RP1: variants seen among roughly 807,000 people sequenced by gnomAD.
RP1 encodes the protein oxygen-regulated protein 1.
Under a neutral mutation model 14.8 loss-of-function variants are expected in RP1, and 16 were observed. That is an observed-to-expected ratio of 1.08 (90% CI 0.73 to 1.65). The LOEUF is 1.65. RP1 is among the 40% of genes most tolerant of loss of function. The probability of loss-of-function intolerance (pLI) is 0.00; values close to 1 mark genes in which losing one functional copy is unlikely to be tolerated. For missense variants in RP1, 2,631 were observed against 2,535.0 expected (o/e 1.04, Z -0.81); for synonymous variants, 876 against 883.6 (o/e 0.99, Z 0.15).
At chr8:54,649,784 A>C (rs542480821) in intron 4 of RP1, among the ~76,000 whole-genome samples, 10 of 152,310 alleles carry the variant, frequency 6.6e-5, no homozygotes, top group African/African-American at 2.2e-4. Context: ...TCACCATGAA[A>C]AAAGAGTCTC....
chr8:54,655,353 C>CA (rs1392122421), intron 5 of RP1, among the ~76,000 whole-genome samples: 1 of 152,170 alleles, frequency 6.6e-6, no homozygotes, highest in Non-Finnish European at 1.5e-5. Context: ...ACTTTAGTAT[C>CA]AGAAAATATA....
intron 19 of RP1, among the ~76,000 whole-genome samples, chr8:54,741,193 T>A (rs540511446): frequency 6.6e-6 from 1 of 152,094 alleles, no homozygotes; most frequent in African/African-American, 2.4e-5. Context: ...AAAAGAAAAA[T>A]ATTTTTTATG....
At chr8:54,800,915 T>C (rs897846645) in intron 24 of RP1, among the ~76,000 whole-genome samples, 1 of 152,180 alleles carries the variant, frequency 6.6e-6, no homozygotes, top group Admixed American at 6.5e-5. Context: ...GCCTTGTAGG[T>C]TTTGTTGTTG....
chr8:54,581,797 A>G (rs556621308), intron 1 of RP1, among the ~76,000 whole-genome samples: 6 of 152,316 alleles, frequency 3.9e-5, no homozygotes, highest in South Asian at 4.1e-4. Context: ...GGCTGCATAA[A>G]TGTCTTCTTT....
At chr8:54,662,760 G>A (rs1330672256) in intron 6 of RP1, among the ~76,000 whole-genome samples, 1 of 152,132 alleles carries the variant, frequency 6.6e-6, no homozygotes, top group African/African-American at 2.4e-5. Flanking sequence ...ACTCACAGAT[G>A]CTTGGTGTTA....
intron 12 of RP1, among the ~76,000 whole-genome samples, chr8:54,687,906 G>A (rs971061113): frequency 6.6e-6 from 1 of 152,110 alleles, no homozygotes; most frequent in African/African-American, 2.4e-5. Flanking sequence ...CACAATGGTT[G>A]AACTAATTTA....
intron 23 of RP1, chr8:54,781,049 C>G (rs573393349): frequency 1.0e-6 from 1 of 984,116 alleles, no homozygotes; most frequent in African/African-American, 1.7e-5. Flanking sequence ...ATTTTTAACA[C>G]AAAAGGAAAG....
chr8:54,603,943 G>C (rs920331277), intron 1 of RP1, among the ~76,000 whole-genome samples: 2 of 152,216 alleles, frequency 1.3e-5, no homozygotes, highest in African/African-American at 2.4e-5. Flanking sequence ...TTGGGACTGA[G>C]ACGATGGGGT....
chr8:54,813,648 C>A (rs547022427), intron 24 of RP1, among the ~76,000 whole-genome samples: 1 of 152,286 alleles, frequency 6.6e-6, no homozygotes, highest in Admixed American at 6.5e-5. Flanking sequence ...ATTTGTGAGC[C>A]AGCCCTCATA....
At chr8:54,648,714 A>G (rs1222354828) in intron 3 of RP1, among the ~76,000 whole-genome samples, 1 of 152,220 alleles carries the variant, frequency 6.6e-6, no homozygotes, top group Non-Finnish European at 1.5e-5. Context: ...GAGTCCAGGT[A>G]TGACCAACAA....
intron 22 of RP1, among the ~76,000 whole-genome samples, chr8:54,761,382 A>G (rs998662149): frequency 1.3e-5 from 2 of 151,898 alleles, no homozygotes; most frequent in Admixed American, 1.3e-4. Flanking sequence ...GATTACAGGC[A>G]TGTACCACCA....
intron 3 of RP1, among the ~76,000 whole-genome samples, chr8:54,643,647 C>T (rs1035994601): frequency 6.6e-6 from 1 of 152,150 alleles, no homozygotes; most frequent in African/African-American, 2.4e-5. Context: ...CTTAAAAGAA[C>T]AGATTTATTC....
chr8:54,606,696 T>G (rs1484980594), intron 1 of RP1, among the ~76,000 whole-genome samples: 1 of 152,236 alleles, frequency 6.6e-6, no homozygotes, highest in East Asian at 1.9e-4. Flanking sequence ...GACGTAGATT[T>G]GGTCTTTTCA....
chr8:54,667,961 A>T (rs1807055574), intron 7 of RP1, among the ~76,000 whole-genome samples: 1 of 152,180 alleles, frequency 6.6e-6, no homozygotes, highest in Non-Finnish European at 1.5e-5. Context: ...CAATAGAAAA[A>T]GAGGTAATCC....
rs756388950 is a variant in RP1, at chr8:54,630,305, A to G, written c.6423A>G (p.Ile2141Met). The G allele has an allele frequency of 1.2e-6, 2 of 1,613,768 alleles. No homozygotes were observed. The highest frequency in any genetic ancestry group is 1.7e-6 in the Non-Finnish European group (2 of 1,179,792). Reference sequence around the variant, plus strand: ...TTTTCATTTGGGAAGAGGAAGACATATTAAATTTAACTGATCTTGAAAGCA... The same window carrying G: ...TTTTCATTTGGGAAGAGGAAGACATGTTAAATTTAACTGATCTTGAAAGCA... The part of the protein sequence containing the change: ...ENLFIWEEED[I>M]LNLTDLESSR... The change falls in exon 4 of 4, where the codon ATA (isoleucine) becomes ATG (methionine). Residue 2141 changes from isoleucine to methionine, a missense_variant. Ile to Met is a conservative substitution (Grantham distance 10). Transcript: ENST00000220676.
chr8:54,636,541 C>T (rs1378355487), intron 3 of RP1, among the ~76,000 whole-genome samples: 1 of 152,160 alleles, frequency 6.6e-6, no homozygotes, highest in African/African-American at 2.4e-5. Context: ...AGTTCAAGAC[C>T]AGCCTGGCCA....
intron 25 of RP1, among the ~76,000 whole-genome samples, chr8:54,845,407 G>A (rs1448212861): frequency 6.6e-6 from 1 of 152,134 alleles, no homozygotes; most frequent in Admixed American, 6.5e-5. Context: ...TGTATGCTAG[G>A]AGCTGGGGAT....
At chr8:54,687,373 C>T (rs920981100) in intron 12 of RP1, among the ~76,000 whole-genome samples, 1 of 152,034 alleles carries the variant, frequency 6.6e-6, no homozygotes, top group Non-Finnish European at 1.5e-5. Flanking sequence ...AGGTTTGTTA[C>T]GTAGGTATAC....
chr8:54,617,369 G>A (rs921612713), intron 1 of RP1, among the ~76,000 whole-genome samples: 2 of 152,186 alleles, frequency 1.3e-5, no homozygotes, highest in African/African-American at 2.4e-5. Context: ...GAAAATGTAT[G>A]TAAAGATACA....
Sources: allele counts gnomAD v4.1 joint callset (sites outside exome capture counted in the v4.1 genomes callset), GRCh38; gene constraint gnomAD v4.1.1; transcripts MANE v1.5; gene names NCBI Gene and HGNC (gene_info 2026-07-23, HGNC 2026-07-21).